Variants in TNS1 observed in about 807,000 individuals in gnomAD.
The protein encoded by TNS1 is tensin 1.
Under a neutral mutation model 168.6 loss-of-function variants are expected in TNS1, and 62 were observed. The observed-to-expected ratio is 0.37, with a 90% CI of 0.30 to 0.45. TNS1 has a LOEUF of 0.45. Ranked by LOEUF, TNS1 falls within the 20% of genes least tolerant of loss-of-function variation. The pLI is 1.00. For missense variants in TNS1, 2,240 were observed against 2,339.4 expected (o/e 0.96, Z 0.88); for synonymous variants, 934 against 933.2 (o/e 1.00, Z -0.02).
chr2:217,903,477 G>A lies in TNS1; in HGVS notation c.321+2858C>T, dbSNP rs190873862. The A allele has an allele frequency of 1.5e-4, 197 of 1,275,694 alleles. 1 individual carries two copies. The highest frequency in any genetic ancestry group is 1.3e-3 in the African/African-American group (85 of 66,546). 79.0% of individuals were successfully genotyped at this position (1,275,694 alleles called of 1,614,324 possible). Reference sequence around the variant, plus strand: ...CTGTAATCCTATTCTTTTCCTCTCCGGGGATCACAAATCACCTTACCCAAA... The same window carrying A: ...CTGTAATCCTATTCTTTTCCTCTCCAGGGATCACAAATCACCTTACCCAAA... On this transcript the variant is annotated intron_variant, in intron 6 of 32. Transcript: ENST00000682258.
intron 19 of TNS1, among the ~76,000 whole-genome samples, chr2:217,839,067 T>TACACACAC (rs71057583): frequency 5.4e-5 from 8 of 146,886 alleles, no homozygotes; most frequent in African/African-American, 2.1e-4. Flanking sequence ...TGCATGTACA[T>TACACACAC]ACACACACAC....
At position 217,945,263 on chromosome 2, in the gene TNS1, A is replaced by C. The variant is rs534857969; in HGVS notation, c.187-25027T>G. 1.3e-4 allele frequency among the ~76,000 whole-genome samples: 20 copies of C among 152,264 alleles called. No individual in the cohort carries two copies. The South Asian group carries it at 3.7e-3, about 28-fold the overall frequency. ...AAGAACTTTTCCGGTCTTAACACAC[A>C]CTAATTTTATTAATTCAGCCAAACC... is the stretch of plus-strand genomic sequence containing the variant. On this transcript the variant is annotated intron_variant, in intron 3 of 32. Transcript: ENST00000682258.
intron 7 of TNS1, 68 bp downstream of exon 7, chr2:217,900,395 T>C: frequency 6.6e-7 from 1 of 1,510,194 alleles, no homozygotes; most frequent in South Asian, 1.2e-5. Context: ...AGGCAAGACT[T>C]AACAGGGACA....
At chr2:217,871,621 A>G (rs1949782034) in intron 18 of TNS1, among the ~76,000 whole-genome samples, 1 of 152,246 alleles carries the variant, frequency 6.6e-6, no homozygotes, top group Admixed American at 6.5e-5. Flanking sequence ...TCAAGGGCAA[A>G]CAGCGTGGTG....
chr2:217,869,288 G>A (rs1949559434), intron 18 of TNS1, among the ~76,000 whole-genome samples: 1 of 152,212 alleles, frequency 6.6e-6, no homozygotes, highest in African/African-American at 2.4e-5. Flanking sequence ...TGGCCCCAAA[G>A]CCAGGCGAGG....
intron 4 of TNS1, among the ~76,000 whole-genome samples, chr2:217,911,343 T>TAG (rs1012675503): frequency 1.6e-4 from 24 of 152,292 alleles, no homozygotes; most frequent in Middle Eastern, 3.4e-3. Flanking sequence ...AACCAGCAGT[T>TAG]AGAGCAAAGC....
chr2:217,974,255 G>C (rs977330649), intron 3 of TNS1, among the ~76,000 whole-genome samples: 1 of 152,138 alleles, frequency 6.6e-6, no homozygotes, highest in South Asian at 2.1e-4. Context: ...AATTGAGAGT[G>C]TGAATTATAC....
chr2:217,946,773 T>C (rs1429652524), intron 3 of TNS1, among the ~76,000 whole-genome samples: 2 of 151,990 alleles, frequency 1.3e-5, no homozygotes, highest in African/African-American at 4.8e-5. Context: ...CTCCAGCACC[T>C]GGGTATAGAA....
chr2:217,823,879 C>T lies in TNS1; in HGVS notation c.3374-1941G>A, dbSNP rs533760078. On this transcript the variant is annotated intron_variant, in intron 22 of 32. Transcript: ENST00000682258. ...CAGCAAGGCCTCCTCGAAATCCTCC[C>T]TCAACCAGCCCAGGCCACCCACCTC... Among the ~76,000 whole-genome samples the T allele has an allele frequency of 2.6e-5, 4 of 152,322 alleles. 1 individual carries two copies. The South Asian group carries it at 8.3e-4, about 32-fold the overall frequency.
intron 4 of TNS1, among the ~76,000 whole-genome samples, chr2:217,910,461 G>A (rs1575047970): frequency 6.6e-6 from 1 of 151,904 alleles, no homozygotes; most frequent in Non-Finnish European, 1.5e-5. Flanking sequence ...CTATCTCTCT[G>A]TTTCCCAACA....
At chr2:218,002,609 G>C (rs890659481) in intron 1 of TNS1, among the ~76,000 whole-genome samples, 7 of 151,988 alleles carry the variant, frequency 4.6e-5, no homozygotes, top group African/African-American at 1.7e-4. Context: ...TGGGGCAGGG[G>C]ATGTACTGAC....
chr2:218,022,026 A>G (rs779160215), intron 1 of TNS1, among the ~76,000 whole-genome samples: 1 of 152,088 alleles, frequency 6.6e-6, no homozygotes, highest in Non-Finnish European at 1.5e-5. Flanking sequence ...GGGAGGGCAG[A>G]GGGTGAAGGG....
At chr2:217,886,401 G>A in intron 13 of TNS1, 133 bp downstream of exon 13, 2 of 735,534 alleles carry the variant, frequency 2.7e-6, no homozygotes, top group Non-Finnish European at 2.3e-6. Context: ...ATACACTTGA[G>A]AGTCCAATGG....
intron 3 of TNS1, among the ~76,000 whole-genome samples, chr2:217,940,748 C>A (rs1356321035): frequency 6.6e-6 from 1 of 152,112 alleles, no homozygotes. Context: ...GCACAGGCAT[C>A]CACAGAGGGG....
At chr2:218,031,359 TGTG>T (rs1360650355) in intron 1 of TNS1, among the ~76,000 whole-genome samples, 1 of 148,508 alleles carries the variant, frequency 6.7e-6, no homozygotes, top group African/African-American at 2.5e-5. Context: ...GAGTGTGTGT[TGTG>T]TGTGAGCATG....
At chr2:217,832,161 G>C (rs1462208918) in intron 21 of TNS1, among the ~76,000 whole-genome samples, 1 of 152,164 alleles carries the variant, frequency 6.6e-6, no homozygotes. Flanking sequence ...CAGGAGGAGA[G>C]AACTTCTCAA....
At chr2:217,974,593 A>G (rs11896369) in intron 3 of TNS1, among the ~76,000 whole-genome samples, 2,975 of 152,298 alleles carry the variant, frequency 0.02, 99 homozygotes, top group African/African-American at 0.068. Context: ...TACCTCTACC[A>G]GCAGGAACAT....
In TNS1 at chr2:217,848,583, G is replaced by A. The variant is rs1238789705; in HGVS notation, c.1934C>T (p.Ser645Phe). 5 of 1,614,088 alleles carry A rather than the reference G, an allele frequency of 3.1e-6. No individual in the cohort carries two copies. The Admixed American group carries it at 6.7e-5, about 22-fold the overall frequency. The part of the protein sequence containing the change: ...GHSAGSMGTL[S>F]SLDGVTNTSE... ...GGTGTTGGTGACCCCGTCCAGAGAA[G>A]AGAGTGTGCCCATGCTGCCCGCACT... The change falls in exon 19 of 33, where the codon TCT becomes TTT. Residue 645 changes from serine (S) to phenylalanine (F), a missense_variant. Around this residue, in one of 2 missense-constraint regions of TNS1, gnomAD observed 2,131 missense variants for 2,171.2 expected, o/e 0.98. Coordinates refer to ENST00000682258, the MANE Select transcript of TNS1 (RefSeq NM_001387777.1).
At chr2:217,876,941 T>G (rs1950253629) in intron 18 of TNS1, among the ~76,000 whole-genome samples, 3 of 152,304 alleles carry the variant, frequency 2.0e-5, no homozygotes, top group South Asian at 4.1e-4. Flanking sequence ...TGCTTTGCTG[T>G]GGCTGCCAGA....
Sources: allele counts gnomAD v4.1 joint callset (sites outside exome capture counted in the v4.1 genomes callset), GRCh38; gene constraint gnomAD v4.1.1; regional missense constraint gnomAD v4.1.1; transcripts MANE v1.5; gene names NCBI Gene and HGNC (gene_info 2026-07-23, HGNC 2026-07-21).